The following IQSEC1 variants were observed in gnomAD, a reference collection of about 807,000 sequenced individuals.
The protein encoded by IQSEC1 is IQ motif and Sec7 domain ArfGEF 1, also known as IQ motif and SEC7 domain-containing protein 1.
Under a neutral mutation model 91.0 loss-of-function variants are expected in IQSEC1, and 31 were observed. The ratio of observed to expected loss-of-function variants is 0.34; its 90% CI spans 0.26 to 0.46. The LOEUF (loss-of-function observed/expected upper bound fraction) is 0.46, where lower values mean the gene tolerates loss of function less well. Among genes scored for constraint, IQSEC1 ranks in the 20% least tolerant of loss-of-function variants. IQSEC1 has a pLI of 1.00. For missense variants in IQSEC1, 1,388 were observed against 1,575.6 expected (o/e 0.88, Z 2.02); for synonymous variants, 699 against 662.6 (o/e 1.05, Z -0.84).
At chr3:13,083,932 C>A (rs542409409) in intron 2 of IQSEC1, among the ~76,000 whole-genome samples, 1 of 152,218 alleles carries the variant, frequency 6.6e-6, no homozygotes, top group Non-Finnish European at 1.5e-5. Context: ...GAGGAGTACG[C>A]GGTTTTCCAG....
intron 1 of IQSEC1, among the ~76,000 whole-genome samples, chr3:13,006,493 C>T (rs975050932): frequency 7.9e-5 from 12 of 152,242 alleles, no homozygotes; most frequent in African/African-American, 2.9e-4. Flanking sequence ...CGCCAGCCAG[C>T]ATCCACTGGC....
At chr3:13,167,737 C>T (rs1158293828) in intron 1 of IQSEC1, among the ~76,000 whole-genome samples, 2 of 152,242 alleles carry the variant, frequency 1.3e-5, no homozygotes, top group Admixed American at 6.5e-5. Flanking sequence ...TAGTGTTTGT[C>T]GCTCTGGTTC....
At chr3:13,213,888 C>T (rs1201140904) in intron 1 of IQSEC1, among the ~76,000 whole-genome samples, 1 of 152,160 alleles carries the variant, frequency 6.6e-6, no homozygotes, top group Non-Finnish European at 1.5e-5. Flanking sequence ...AGGGGCCAGG[C>T]ACCATCCTGG....
intron 2 of IQSEC1, among the ~76,000 whole-genome samples, chr3:13,123,453 G>A (rs905499368): frequency 6.6e-6 from 1 of 152,188 alleles, no homozygotes; most frequent in Non-Finnish European, 1.5e-5. Flanking sequence ...CTGGGCCAGT[G>A]GGCATACGAC....
In IQSEC1 at chr3:12,907,592, C is replaced by T. The variant is rs369243158; in HGVS notation, c.2755+757G>A. ...TGCAGCGGCACGAGCCGGCACCCACCGGTCGGCCAGTGCCTCTTTTCTCTC... is the reference window on the plus strand; with the variant it reads ...TGCAGCGGCACGAGCCGGCACCCACTGGTCGGCCAGTGCCTCTTTTCTCTC... On this transcript the variant is annotated intron_variant, in intron 12 of 13. Coordinates refer to ENST00000613206, the MANE Select transcript of IQSEC1 (RefSeq NM_001134382.3). 9.8e-5 allele frequency among the ~76,000 whole-genome samples: 15 copies of T among 152,342 alleles called. 1 individual carries two copies. In the South Asian group the frequency reaches 2.5e-3, roughly 25 times the overall value.
At chr3:12,976,959 T>C (rs570194749) in intron 1 of IQSEC1, among the ~76,000 whole-genome samples, 1 of 152,310 alleles carries the variant, frequency 6.6e-6, no homozygotes, top group South Asian at 2.1e-4. Context: ...AAAAATGGTT[T>C]TTCAAAATCA....
rs1373407433 is a variant in IQSEC1, at chr3:13,207,101, C to A, written c.273-42968G>T. On this transcript the variant is annotated intron_variant, in intron 1 of 15. Transcript: ENST00000648114. This position sits in a 1 kb window ranked among gnomAD's most constrained non-coding sequence, Gnocchi z 4.8. ...GGCAGGGCTGTTGGGAGTTGCTGGC[C>A]CTGACAATTTCTACTACTGCATCGT... 6.6e-6 allele frequency among the ~76,000 whole-genome samples: 1 copy of A among 152,094 alleles called. No individual in the cohort carries two copies. Among genetic ancestry groups the A allele is most frequent in the Non-Finnish European group, 1.5e-5 (1 of 68,020 alleles).
intron 2 of IQSEC1, among the ~76,000 whole-genome samples, chr3:13,089,542 G>T (rs1705801459): frequency 6.6e-6 from 1 of 152,152 alleles, no homozygotes; most frequent in Non-Finnish European, 1.5e-5. Flanking sequence ...CTGTGTTTGT[G>T]CCACTGCACT....
At chr3:13,181,100 T>C (rs1693835236) in intron 1 of IQSEC1, among the ~76,000 whole-genome samples, 1 of 151,980 alleles carries the variant, frequency 6.6e-6, no homozygotes, top group Non-Finnish European at 1.5e-5. Flanking sequence ...TGAAACCCCG[T>C]CTCTACTAAA....
intron 1 of IQSEC1, among the ~76,000 whole-genome samples, chr3:13,035,707 C>T (rs1170021182): frequency 6.6e-6 from 1 of 152,202 alleles, no homozygotes; most frequent in Non-Finnish European, 1.5e-5. Context: ...CAGAACCCTG[C>T]CACTCCTGAG....
At chr3:13,180,878 G>A (rs1271694662) in intron 1 of IQSEC1, among the ~76,000 whole-genome samples, 7 of 151,402 alleles carry the variant, frequency 4.6e-5, no homozygotes, top group Non-Finnish European at 3.0e-5. Flanking sequence ...AACAAACTCC[G>A]GACATGCCAC....
At chr3:13,000,026 T>G (rs916821622) in intron 1 of IQSEC1, among the ~76,000 whole-genome samples, 9 of 152,230 alleles carry the variant, frequency 5.9e-5, no homozygotes, top group African/African-American at 2.2e-4. Context: ...AAAATTAGGC[T>G]AAACCTAATG....
At chr3:13,202,391 T>C (rs1048721777) in intron 1 of IQSEC1, among the ~76,000 whole-genome samples, 1 of 152,164 alleles carries the variant, frequency 6.6e-6, no homozygotes, top group Non-Finnish European at 1.5e-5. Context: ...AGCTACAGTG[T>C]GGAAGCAACC....
rs889163306 is a variant in IQSEC1 at position 13,282,701 on chromosome 3, C to T, written c.272+10G>A. 2.0e-5 allele frequency among the ~76,000 whole-genome samples: 3 copies of T among 150,708 alleles called. No individual in the cohort carries two copies. Among genetic ancestry groups the T allele is most frequent in the Admixed American group, 1.3e-4 (2 of 15,168 alleles). On this transcript the variant is annotated intron_variant, in intron 1 of 15. Coordinates refer to the IQSEC1 transcript ENST00000648114. This position sits in a 1 kb window ranked among gnomAD's most constrained non-coding sequence, Gnocchi z 6.4. ...TCCCCGACACGCCCGCCGCCCCGGGCCCCGCTTACTTGTCGCGGCGGCCGC... is the reference window on the plus strand; with the variant it reads ...TCCCCGACACGCCCGCCGCCCCGGGTCCCGCTTACTTGTCGCGGCGGCCGC...
intron 1 of IQSEC1, among the ~76,000 whole-genome samples, chr3:12,971,864 A>T (rs1438181183): frequency 6.6e-6 from 1 of 152,178 alleles, no homozygotes; most frequent in Non-Finnish European, 1.5e-5. Context: ...TCTACTAAAA[A>T]TACAAAAATT....
At chr3:13,090,492 T>C (rs1476674910) in intron 2 of IQSEC1, among the ~76,000 whole-genome samples, 1 of 152,108 alleles carries the variant, frequency 6.6e-6, no homozygotes, top group Non-Finnish European at 1.5e-5. Context: ...CACACCCCCA[T>C]CCCGTGTTGC....
chr3:13,111,717 A>G (rs1466638160), intron 2 of IQSEC1, among the ~76,000 whole-genome samples: 1 of 152,100 alleles, frequency 6.6e-6, no homozygotes, highest in Non-Finnish European at 1.5e-5. Flanking sequence ...TAAGAAGAAA[A>G]AGAGGCATCA....
At chr3:13,249,267 G>A (rs1176551684) in intron 1 of IQSEC1, among the ~76,000 whole-genome samples, 1 of 149,844 alleles carries the variant, frequency 6.7e-6, no homozygotes, top group Non-Finnish European at 1.5e-5. Flanking sequence ...TGCCTCCTAG[G>A]TTCTTGCCAT....
At chr3:13,167,190 T>G (rs2124993182) in intron 1 of IQSEC1, among the ~76,000 whole-genome samples, 1 of 152,300 alleles carries the variant, frequency 6.6e-6, no homozygotes, top group African/African-American at 2.4e-5. Flanking sequence ...AGCTGAGATC[T>G]AGGAACAGGA....
Sources: gnomAD v4.1 joint callset for allele counts (sites outside exome capture counted in the v4.1 genomes callset) on GRCh38, gnomAD v4.1.1 for gene constraint, Gnocchi (gnomAD v3.1) non-coding constraint, MANE v1.5 for transcripts, NCBI Gene and HGNC (gene_info 2026-07-23, HGNC 2026-07-21) for gene names.